Variants in WIPF3 observed in about 807,000 individuals in gnomAD.
The protein encoded by WIPF3 is WAS/WASL-interacting protein family member 3.
A neutral mutation model predicts 38.9 loss-of-function variants in WIPF3; 33 were observed. The observed-to-expected ratio is 0.85, with a 90% confidence interval of 0.64 to 1.14. The LOEUF (loss-of-function observed/expected upper bound fraction) is 1.14, where lower values mean the gene tolerates loss of function less well. Among genes scored for constraint, WIPF3 ranks in the 50% most tolerant of loss-of-function variants. The pLI is 0.00. For synonymous variants in WIPF3, 324 were observed against 269.3 expected, an observed-to-expected ratio of 1.20 and a Z score of -1.99; for missense variants, 711 against 652.5, an observed-to-expected ratio of 1.09 and a Z score of -0.98.
chr7:29,854,283 T>C (rs1179988079), intron 2 of WIPF3, among the ~76,000 whole-genome samples: 1 of 152,246 alleles, frequency 6.6e-6, no homozygotes, highest in Non-Finnish European at 1.5e-5. Flanking sequence ...CCCAGAATTT[T>C]CTCTATATTT....
intron 2 of WIPF3, among the ~76,000 whole-genome samples, chr7:29,839,299 A>G (rs952896115): frequency 7.9e-5 from 12 of 152,248 alleles, no homozygotes; most frequent in Admixed American, 7.8e-4. Context: ...ATTAATTTGT[A>G]ACTTCCAATG....
At chr7:29,866,282 C>T (rs1583609545) in intron 2 of WIPF3, among the ~76,000 whole-genome samples, 1 of 152,322 alleles carries the variant, frequency 6.6e-6, no homozygotes, top group East Asian at 1.9e-4. Flanking sequence ...TTACCTTTGT[C>T]TCCTTTCATA....
chr7:29,883,812 T>G, intron 4 of WIPF3, 38 bp from the exon 5 acceptor site: 1 of 1,510,894 alleles, frequency 6.6e-7, no homozygotes, highest in Non-Finnish European at 8.9e-7. Context: ...TTCTCCTTCT[T>G]TATTGCCGAG....
chr7:29,867,092 G>T (rs1562781194), intron 2 of WIPF3, among the ~76,000 whole-genome samples: 1 of 152,230 alleles, frequency 6.6e-6, no homozygotes, highest in African/African-American at 2.4e-5. Flanking sequence ...ACAGTGCCTG[G>T]CACATACAAA....
chr7:29,901,757 G>A (rs1167894714), intron 7 of WIPF3, among the ~76,000 whole-genome samples: 1 of 144,418 alleles, frequency 6.9e-6, no homozygotes, highest in Non-Finnish European at 1.5e-5. Flanking sequence ...AGGATTGCTT[G>A]AGCCTGGGAG....
intron 2 of WIPF3, among the ~76,000 whole-genome samples, chr7:29,872,820 A>G (rs1785522651): frequency 1.3e-5 from 2 of 150,752 alleles, no homozygotes. Flanking sequence ...AAAAAAAAAA[A>G]AAAAGATCCG....
chr7:29,883,804 C>G, intron 4 of WIPF3, 46 bp from the exon 5 acceptor site: 2 of 1,509,652 alleles, frequency 1.3e-6, no homozygotes, highest in Non-Finnish European at 8.9e-7. Flanking sequence ...CGGGGGCTTT[C>G]TCCTTCTTTA....
chr7:29,915,968 G>T lies in WIPF3; in HGVS notation c.*1452G>T, dbSNP rs1786607471. The T allele has an allele frequency of 6.6e-6, 1 of 152,302 alleles. No homozygotes were observed. Among genetic ancestry groups the T allele is most frequent in the South Asian group, 2.1e-4 (1 of 4,820 alleles). The allele number at this position is 152,302 out of a possible 1,614,324, so 9.4% of individuals were successfully genotyped here. ...TGAACAGACCAAGCCATCCAGAAAG[G>T]CAGCCGGTCAGGAGGGTGTGGGCAA... On this transcript the variant is annotated 3_prime_UTR_variant, in exon 9 of 9. Transcript: ENST00000242140.
At chr7:29,842,066 A>G (rs1784922508) in intron 2 of WIPF3, among the ~76,000 whole-genome samples, 1 of 152,222 alleles carries the variant, frequency 6.6e-6, no homozygotes, top group Admixed American at 6.5e-5. Flanking sequence ...TTTTCTTGCC[A>G]CAGTCCCTAA....
At chr7:29,868,518 G>GTATATA (rs138569662) in intron 2 of WIPF3, among the ~76,000 whole-genome samples, 12,227 of 147,940 alleles carry the variant, frequency 0.083, 622 homozygotes, top group Middle Eastern at 0.19. Flanking sequence ...ATAATGAGAA[G>GTATATA]TATATATATA....
chr7:29,831,629 C>T lies in WIPF3; in HGVS notation c.-57-3039C>T, dbSNP rs140697782. On this transcript the variant is annotated intron_variant, in intron 1 of 8. Transcript: ENST00000242140. ...TAAAACAAATTAACTCAAAAATCTT[C>T]ATGGCTTAACACAATGGGAGTTTAT... Among the ~76,000 whole-genome samples, 5 of 152,322 alleles carry T rather than the reference C, an allele frequency of 3.3e-5. 1 individual carries two copies. The highest frequency in any genetic ancestry group is 1.2e-4 in the African/African-American group (5 of 41,570).
At chr7:29,902,635 C>T (rs560995177) in intron 7 of WIPF3, among the ~76,000 whole-genome samples, 1 of 151,490 alleles carries the variant, frequency 6.6e-6, no homozygotes, top group South Asian at 2.1e-4. Context: ...CCCAGGAGTT[C>T]GAGATAAGCC....
chr7:29,814,346 A>G (rs10216221), intron 1 of WIPF3, among the ~76,000 whole-genome samples: 12,399 of 152,278 alleles, frequency 0.081, 594 homozygotes, highest in Middle Eastern at 0.11. Context: ...AAGTGTTACA[A>G]GCTATCATTT....
At chr7:29,827,588 C>T (rs1784639220) in intron 1 of WIPF3, among the ~76,000 whole-genome samples, 1 of 152,002 alleles carries the variant, frequency 6.6e-6, no homozygotes, top group Non-Finnish European at 1.5e-5. Context: ...CTACTGAGAT[C>T]ATAATGTGAG....
chr7:29,852,344 CAG>C (rs1785115345), intron 2 of WIPF3, among the ~76,000 whole-genome samples: 1 of 152,200 alleles, frequency 6.6e-6, no homozygotes, highest in African/African-American at 2.4e-5. Flanking sequence ...AAGAGTAAAA[CAG>C]GGAGAGGCTG....
chr7:29,910,870 C>T (rs1253409744), intron 8 of WIPF3, among the ~76,000 whole-genome samples: 7 of 152,146 alleles, frequency 4.6e-5, no homozygotes, highest in African/African-American at 1.7e-4. Context: ...GCAAGGATGC[C>T]TGCTTTCATC....
chr7:29,814,538 G>A (rs2128061552), intron 1 of WIPF3, among the ~76,000 whole-genome samples: 1 of 152,320 alleles, frequency 6.6e-6, no homozygotes, highest in South Asian at 2.1e-4. Context: ...CGAAGGCTGG[G>A]GGAGTTGTGG....
chr7:29,877,090 C>T (rs905777968), intron 3 of WIPF3, among the ~76,000 whole-genome samples: 1 of 152,172 alleles, frequency 6.6e-6, no homozygotes, highest in Non-Finnish European at 1.5e-5. Flanking sequence ...GACGTTAACC[C>T]TGAAGAAAAT....
At chr7:29,910,115 C>T (rs952699442) in intron 8 of WIPF3, among the ~76,000 whole-genome samples, 6 of 152,070 alleles carry the variant, frequency 3.9e-5, no homozygotes, top group Non-Finnish European at 2.9e-5. Flanking sequence ...AAGATAAATG[C>T]TTGAGGGGAT....
Sources: gnomAD v4.1 joint callset for allele counts (sites outside exome capture counted in the v4.1 genomes callset) on GRCh38, gnomAD v4.1.1 for gene constraint, MANE v1.5 for transcripts, NCBI Gene and HGNC (gene_info 2026-07-23, HGNC 2026-07-21) for gene names.